The following PDLIM5 variants were observed in gnomAD, a reference collection of about 807,000 sequenced individuals.
The protein encoded by PDLIM5 is PDZ and LIM domain protein 5.
PDLIM5 carries 34 observed loss-of-function variants against 64.2 expected under a neutral mutation model. The observed-to-expected ratio is 0.53, with a 90% CI of 0.40 to 0.71. The LOEUF (loss-of-function observed/expected upper bound fraction) is 0.71, where lower values mean the gene tolerates loss of function less well. PDLIM5 is among the 30% of genes least tolerant of loss of function. PDLIM5 has a pLI of 0.00. For missense variants in PDLIM5, 683 were observed against 733.6 expected (o/e 0.93, Z 0.80); for synonymous variants, 253 against 269.1 (o/e 0.94, Z 0.59).
intron 7 of PDLIM5, among the ~76,000 whole-genome samples, chr4:94,599,681 A>G (rs1254937673): frequency 6.6e-6 from 1 of 152,066 alleles, no homozygotes; most frequent in Non-Finnish European, 1.5e-5. Context: ...AATAATCATG[A>G]GAGATTGTTG....
intron 3 of PDLIM5, among the ~76,000 whole-genome samples, chr4:94,572,570 A>G (rs2452598): frequency 0.25 from 38,661 of 152,154 alleles, 5,457 homozygotes; most frequent in East Asian, 0.39. Context: ...CAATAATAAC[A>G]TAGTACAAAA....
chr4:94,510,925 C>A (rs1442562693), intron 2 of PDLIM5, among the ~76,000 whole-genome samples: 2 of 152,122 alleles, frequency 1.3e-5, no homozygotes, highest in Non-Finnish European at 2.9e-5. Flanking sequence ...TATGTAGCAA[C>A]TGGAGAAGAA....
At chr4:94,547,184 C>T (rs1189651778) in intron 3 of PDLIM5, among the ~76,000 whole-genome samples, 1 of 152,132 alleles carries the variant, frequency 6.6e-6, no homozygotes, top group Non-Finnish European at 1.5e-5. Flanking sequence ...AAATTACCAA[C>T]TTAGTGGCCA....
At chr4:94,485,120 T>C (rs1471906027) in intron 2 of PDLIM5, among the ~76,000 whole-genome samples, 5 of 152,154 alleles carry the variant, frequency 3.3e-5, no homozygotes, top group Admixed American at 3.3e-4. Context: ...GAGAAACTAA[T>C]GTCTTGAGAA....
At chr4:94,574,757 A>G (rs2452009) in intron 4 of PDLIM5, among the ~76,000 whole-genome samples, 38,513 of 151,930 alleles carry the variant, frequency 0.25, 5,418 homozygotes, top group East Asian at 0.39. Flanking sequence ...GGATTGGCAA[A>G]TAAAAATTCT....
At chr4:94,497,380 TAA>T (rs1287441009) in intron 2 of PDLIM5, among the ~76,000 whole-genome samples, 1 of 152,186 alleles carries the variant, frequency 6.6e-6, no homozygotes, top group African/African-American at 2.4e-5. Context: ...ACTTTTTATT[TAA>T]AGAGGTGAAA....
chr4:94,564,403 C>A (rs1447330707), intron 3 of PDLIM5, among the ~76,000 whole-genome samples: 2 of 152,158 alleles, frequency 1.3e-5, no homozygotes, highest in African/African-American at 2.4e-5. Flanking sequence ...ACCTTTCTAG[C>A]CCCACTGGTA....
At chr4:94,528,146 C>A (rs377630523) in intron 3 of PDLIM5, among the ~76,000 whole-genome samples, 120 of 152,328 alleles carry the variant, frequency 7.9e-4, no homozygotes, top group African/African-American at 2.8e-3. Flanking sequence ...CCTTCTCTTG[C>A]CTTTATGCCC....
At chr4:94,640,253 G>T in intron 8 of PDLIM5, 23 bp from the exon 9 acceptor site, 1 of 1,429,760 alleles carries the variant, frequency 7.0e-7, no homozygotes, top group South Asian at 1.2e-5. Flanking sequence ...TTCTCATTCT[G>T]ATTCTTCTGT....
At chr4:94,619,141 T>G (rs1177749277) in intron 8 of PDLIM5, among the ~76,000 whole-genome samples, 3 of 152,170 alleles carry the variant, frequency 2.0e-5, no homozygotes, top group Non-Finnish European at 4.4e-5. Context: ...ATGTAGACTT[T>G]TAGACCCCAC....
intron 9 of PDLIM5, among the ~76,000 whole-genome samples, chr4:94,641,356 A>G (rs1740991412): frequency 6.6e-6 from 1 of 152,240 alleles, no homozygotes; most frequent in Admixed American, 6.5e-5. Context: ...GGTAATATTT[A>G]AAATGGAGTC....
In PDLIM5 at chr4:94,629,334, A is replaced by C. The variant is rs575135832; in HGVS notation, c.1109-10942A>C. Among the ~76,000 whole-genome samples the C allele has an allele frequency of 4.7e-5, 7 of 148,128 alleles. No homozygotes were observed. In the South Asian group the frequency reaches 1.5e-3, roughly 32 times the overall value. The stretch of plus-strand genomic sequence containing the variant: ...ACTGCACTGTGCGAGACTCAGTTTC[A>C]AAAAAAAAAATAAAGAAAGAAAGAA... On this transcript the variant is annotated intron_variant, in intron 8 of 12. Transcript: ENST00000317968.
chr4:94,661,914 A>G (rs11097434), intron 11 of PDLIM5, among the ~76,000 whole-genome samples: 93,634 of 151,258 alleles, frequency 0.62, 29,638 homozygotes, highest in African/African-American at 0.75. Context: ...TCCACCTCCC[A>G]GGTTCAAGCA....
intron 9 of PDLIM5, among the ~76,000 whole-genome samples, chr4:94,651,325 T>G (rs1472548656): frequency 6.6e-6 from 1 of 152,268 alleles, no homozygotes; most frequent in East Asian, 1.9e-4. Context: ...TTCAGCTTGT[T>G]TTTTAAAGGT....
chr4:94,579,504 T>C, intron 5 of PDLIM5: 1 of 1,310,644 alleles, frequency 7.6e-7, no homozygotes, highest in Non-Finnish European at 1.1e-6. Context: ...TATTTTAAAA[T>C]ACTTTTCTCT....
At chr4:94,546,834 C>CT (rs1732369278) in intron 3 of PDLIM5, among the ~76,000 whole-genome samples, 2 of 151,100 alleles carry the variant, frequency 1.3e-5, no homozygotes, top group Admixed American at 1.3e-4. Flanking sequence ...ACATTAGGCC[C>CT]CCCCCACCTT....
chr4:94,650,999 T>TA (rs1741803102), intron 9 of PDLIM5, among the ~76,000 whole-genome samples: 1 of 152,196 alleles, frequency 6.6e-6, no homozygotes, highest in African/African-American at 2.4e-5. Flanking sequence ...GCTGAATACT[T>TA]AATTCCACTC....
intron 2 of PDLIM5, among the ~76,000 whole-genome samples, chr4:94,519,943 G>T (rs1729684805): frequency 6.6e-6 from 1 of 151,596 alleles, no homozygotes; most frequent in South Asian, 2.1e-4. Flanking sequence ...CAGATAAAAG[G>T]GTTAAAATGC....
chr4:94,521,955 T>G (rs1412114275), intron 2 of PDLIM5, among the ~76,000 whole-genome samples: 1 of 152,208 alleles, frequency 6.6e-6, no homozygotes, highest in African/African-American at 2.4e-5. Flanking sequence ...TTTGCTGATT[T>G]TAGTAGGGAA....
Sources: gnomAD v4.1 joint callset for allele counts (sites outside exome capture counted in the v4.1 genomes callset) on GRCh38, gnomAD v4.1.1 for gene constraint, MANE v1.5 for transcripts, NCBI Gene and HGNC (gene_info 2026-07-23, HGNC 2026-07-21) for gene names.